SLC25A42: variants seen among roughly 807,000 people sequenced by gnomAD.
The protein encoded by SLC25A42 is mitochondrial coenzyme A transporter SLC25A42.
A neutral mutation model predicts 34.7 loss-of-function variants in SLC25A42; 19 were observed. The ratio of observed to expected loss-of-function variants is 0.55; its 90% confidence interval spans 0.38 to 0.80. The LOEUF is 0.80. Among genes scored for constraint, SLC25A42 ranks in the 30% least tolerant of loss-of-function variants. The probability of loss-of-function intolerance (pLI) is 0.00; values close to 1 mark genes in which losing one functional copy is unlikely to be tolerated. For missense variants in SLC25A42, 364 were observed against 441.3 expected, an observed-to-expected ratio of 0.82 and a Z score of 1.57; for synonymous variants, 205 against 191.2, an observed-to-expected ratio of 1.07 and a Z score of -0.59.
At chr19:19,101,028 G>A (rs1458654806) in intron 2 of SLC25A42, among the ~76,000 whole-genome samples, 3 of 152,166 alleles carry the variant, frequency 2.0e-5, no homozygotes, top group East Asian at 1.9e-4. Context: ...TGAGAGTCCC[G>A]TGGCCGAGTC....
rs1314316788 is a variant in SLC25A42, at chr19:19,081,837, C to A, written c.-34-14254C>A. Among the ~76,000 whole-genome samples, 1 of 152,232 alleles carries A rather than the reference C, an allele frequency of 6.6e-6. No individual in the cohort carries two copies. The highest frequency in any genetic ancestry group is 1.5e-5 in the Non-Finnish European group (1 of 68,038). ...CCGAGTGACCTCTGTCCCTGGAGAC[C>A]CATTCCTTCTCTCACTAGCCCCATG... On this transcript the variant is annotated intron_variant, in intron 1 of 7. Transcript: ENST00000318596. The surrounding 1 kb of genome is among the most constrained non-coding windows in gnomAD (Gnocchi z 4.5).
intron 1 of SLC25A42, among the ~76,000 whole-genome samples, chr19:19,069,854 C>G (rs1189790167): frequency 1.3e-5 from 2 of 149,332 alleles, no homozygotes; most frequent in African/African-American, 5.0e-5. Flanking sequence ...GAGACAAGCT[C>G]TTGCTCTGTT....
intron 1 of SLC25A42, among the ~76,000 whole-genome samples, chr19:19,069,972 T>G (rs567389540): frequency 7.2e-4 from 109 of 151,642 alleles, no homozygotes; most frequent in African/African-American, 2.5e-3. Flanking sequence ...ATTATAGGCA[T>G]GCACCACCAC....
intron 1 of SLC25A42, among the ~76,000 whole-genome samples, chr19:19,075,170 C>T (rs2059649989): frequency 6.6e-6 from 1 of 151,864 alleles, no homozygotes; most frequent in Non-Finnish European, 1.5e-5. Context: ...AAAGAAGTAG[C>T]TTGTCCTGCC....
chr19:19,104,710 G>A (rs1035796732), intron 3 of SLC25A42, among the ~76,000 whole-genome samples: 1 of 152,194 alleles, frequency 6.6e-6, no homozygotes, highest in Non-Finnish European at 1.5e-5. Flanking sequence ...GGTGCTGAGT[G>A]TCAACCCATC....
Position 19,110,627 on chromosome 19 carries a change from T to C in SLC25A42, c.708T>C (p.Ala236=), listed in dbSNP as rs2059858255. 1 of 1,533,698 alleles carries C rather than the reference T, an allele frequency of 6.5e-7. No homozygotes were observed. Among genetic ancestry groups the C allele is most frequent in the African/African-American group, 1.4e-5 (1 of 72,294 alleles). The stretch of plus-strand genomic sequence containing the variant: ...AGCGCATGATCTTCGGCGCCTGCGC[T>C]GGCCTCATCGGGCAGTCGGCCTCGT... ...PFERMIFGAC[A]GLIGQSASYP... Residue 236 remains alanine, a synonymous_variant, in exon 8 of 8, where the codon GCT becomes GCC. Coordinates refer to ENST00000318596, the MANE Select transcript of SLC25A42 (RefSeq NM_178526.5).
intron 4 of SLC25A42, 148 bp from the exon 5 acceptor site, chr19:19,105,413 C>T: frequency 1.1e-6 from 1 of 898,368 alleles, no homozygotes; most frequent in South Asian, 1.8e-5. Flanking sequence ...GGGGTGGGGC[C>T]CTCACATGGG....
At position 19,111,263 on chromosome 19, in the gene SLC25A42, C is replaced by G; in HGVS notation, c.*387C>G. ...CCCCACCAGGCTCAGAGCCAGACCG[C>G]GCCTGGACCTTCTTGTTCTGACTCC... On this transcript the variant is annotated 3_prime_UTR_variant, in exon 8 of 8. Coordinates refer to ENST00000318596, the MANE Select transcript of SLC25A42 (RefSeq NM_178526.5). The G allele has an allele frequency of 8.4e-6, 2 of 239,130 alleles. No individual in the cohort carries two copies. The highest frequency in any genetic ancestry group is 1.0e-4 in the South Asian group (2 of 19,340). 14.8% of individuals were successfully genotyped at this position (239,130 alleles called of 1,614,324 possible). A position where few individuals can be genotyped will look rare whatever the true frequency, so the allele number is the denominator to read the frequency against.
chr19:19,107,831 TG>T, intron 6 of SLC25A42, 62 bp from the exon 7 acceptor site: 1 of 1,590,814 alleles, frequency 6.3e-7, no homozygotes, highest in Non-Finnish European at 8.6e-7. Flanking sequence ...CGAGAGCCTC[TG>T]TGGCTCCTCC....
intron 4 of SLC25A42, chr19:19,105,331 T>A (rs1228435906): frequency 6.9e-6 from 4 of 583,640 alleles, no homozygotes; most frequent in Non-Finnish European, 1.2e-5. Flanking sequence ...GAGAACTTGG[T>A]GGGGTGGGAG....
In SLC25A42 at chr19:19,081,991, C is replaced by G. The variant is rs2059684111; in HGVS notation, c.-34-14100C>G. On this transcript the variant is annotated intron_variant, in intron 1 of 7. Coordinates refer to ENST00000318596, the MANE Select transcript of SLC25A42 (RefSeq NM_178526.5). This position sits in a 1 kb window ranked among gnomAD's most constrained non-coding sequence, Gnocchi z 4.5. Reference sequence around the variant, plus strand: ...ACGTTGTCATGGGAGTGATTGGCCTCCTGGGACCACTCCCACTAGGGCTGG... The same window carrying G: ...ACGTTGTCATGGGAGTGATTGGCCTGCTGGGACCACTCCCACTAGGGCTGG... Among the ~76,000 whole-genome samples the G allele has an allele frequency of 6.6e-6, 1 of 152,144 alleles. No homozygotes were observed. The highest frequency in any genetic ancestry group is 6.5e-5 in the Admixed American group (1 of 15,274).
chr19:19,064,682 G>T (rs1057412752), intron 1 of SLC25A42, among the ~76,000 whole-genome samples: 1 of 145,312 alleles, frequency 6.9e-6, no homozygotes. Context: ...CCTGGCACCT[G>T]CCCTCTGCCC....
chr19:19,103,063 TTCTC>T lies in SLC25A42; in HGVS notation c.187+1187_187+1190del, dbSNP rs889794272. Among the ~76,000 whole-genome samples, 5 of 152,128 alleles carry T rather than the reference TTCTC, an allele frequency of 3.3e-5. No individual in the cohort carries two copies. The East Asian group carries it at 5.8e-4, about 18-fold the overall frequency. ...TGGCCTTCTCCCCTGTGTGTCTGTTTTCTCTCTCTCTCTTTTATTTATTTATTTT... is the reference window on the plus strand; with the variant it reads ...TGGCCTTCTCCCCTGTGTGTCTGTTTTCTCTCTCTTTTATTTATTTATTTT... On this transcript the variant is annotated intron_variant, in intron 3 of 7. Transcript: ENST00000318596.
rs2059862407 is a variant in SLC25A42, at chr19:19,111,052, G to T, written c.*176G>T. 2.9e-6 allele frequency: 2 copies of T among 686,972 alleles called. No individual in the cohort carries two copies. Among genetic ancestry groups the T allele is most frequent in the Non-Finnish European group, 4.8e-6 (2 of 415,720 alleles). 42.6% of individuals were successfully genotyped at this position (686,972 alleles called of 1,614,324 possible). On this transcript the variant is annotated 3_prime_UTR_variant, in exon 8 of 8. Coordinates refer to ENST00000318596, the MANE Select transcript of SLC25A42 (RefSeq NM_178526.5). ...GAGTCCACGTCCAAACGCAAAGCTG[G>T]CAGCCCTGGAAGTGCAGTGTTGGGG...
chr19:19,076,354 C>T (rs2059656171), intron 1 of SLC25A42, among the ~76,000 whole-genome samples: 1 of 152,070 alleles, frequency 6.6e-6, no homozygotes. Context: ...TCTGTAATCC[C>T]AGCTACTGGG....
chr19:19,101,945 A>G (rs1360237112), intron 3 of SLC25A42, 59 bp downstream of exon 3: 4 of 1,124,466 alleles, frequency 3.6e-6, no homozygotes, highest in Non-Finnish European at 5.3e-6. Flanking sequence ...CTCCTCCTTC[A>G]TGGCCCCCAA....
chr19:19,096,957 A>G (rs2059768973), intron 2 of SLC25A42, among the ~76,000 whole-genome samples: 1 of 152,110 alleles, frequency 6.6e-6, no homozygotes, highest in Non-Finnish European at 1.5e-5. Context: ...AAAAAGAGCC[A>G]AATGCAGAGA....
At chr19:19,106,561 T>G in intron 6 of SLC25A42, 176 bp downstream of exon 6, 1 of 527,172 alleles carries the variant, frequency 1.9e-6, no homozygotes, top group Non-Finnish European at 3.4e-6. Context: ...CAATTTGTTC[T>G]CTTAGCCTGG....
intron 7 of SLC25A42, among the ~76,000 whole-genome samples, chr19:19,108,628 A>C (rs1279989477): frequency 6.6e-6 from 1 of 152,100 alleles, no homozygotes; most frequent in Non-Finnish European, 1.5e-5. Context: ...ACGAGCACAC[A>C]CGCAAAGCAT....
Sources: gnomAD v4.1 joint callset for allele counts (sites outside exome capture counted in the v4.1 genomes callset) on GRCh38, gnomAD v4.1.1 for gene constraint, Gnocchi (gnomAD v3.1) non-coding constraint, MANE v1.5 for transcripts, NCBI Gene and HGNC (gene_info 2026-07-23, HGNC 2026-07-21) for gene names.